The following SYT16 variants were observed in gnomAD, a reference collection of about 807,000 sequenced individuals.
The protein encoded by SYT16 is synaptotagmin-16.
A neutral mutation model predicts 61.4 loss-of-function variants in SYT16; 42 were observed. That is an observed-to-expected ratio of 0.68 (90% CI 0.53 to 0.89). The LOEUF is 0.89. Among genes scored for constraint, SYT16 ranks in the 40% least tolerant of loss-of-function variants. The probability of loss-of-function intolerance (pLI) is 0.00; values close to 1 mark genes in which losing one functional copy is unlikely to be tolerated. For synonymous variants in SYT16, 314 were observed against 302.3 expected (o/e 1.04, Z -0.40); for missense variants, 804 against 807.3 (o/e 1.00, Z 0.05).
At chr14:61,961,492 G>T (rs555299147) in intron 1 of SYT16, among the ~76,000 whole-genome samples, 1 of 152,132 alleles carries the variant, frequency 6.6e-6, no homozygotes, top group Non-Finnish European at 1.5e-5. Flanking sequence ...AGACATACAC[G>T]TGGCCAACAA....
At chr14:61,812,843 G>A (rs767431674) in intron 1 of SYT16, 33 bp downstream of exon 1, 2 of 152,236 alleles carry the variant, frequency 1.3e-5, no homozygotes, top group Admixed American at 6.5e-5. Context: ...GGCCAGGGGT[G>A]GGGGGAGGCC....
intron 3 of SYT16, among the ~76,000 whole-genome samples, chr14:62,014,412 C>A (rs984074115): frequency 6.6e-6 from 1 of 151,936 alleles, no homozygotes; most frequent in African/African-American, 2.4e-5. Context: ...ATCTGTCCAA[C>A]TCCTCCTTAT....
chr14:62,045,847 T>A (rs924318586), intron 3 of SYT16, among the ~76,000 whole-genome samples: 5 of 152,196 alleles, frequency 3.3e-5, no homozygotes, highest in Admixed American at 2.6e-4. Flanking sequence ...TAATCCAGTC[T>A]ATCATTGTTG....
At chr14:61,840,275 G>A (rs998526901) in intron 1 of SYT16, among the ~76,000 whole-genome samples, 12 of 152,178 alleles carry the variant, frequency 7.9e-5, no homozygotes, top group African/African-American at 2.7e-4. Context: ...GGCAAGGTGC[G>A]CTATTGGAAA....
At chr14:61,877,905 C>G (rs1269780662) in intron 1 of SYT16, among the ~76,000 whole-genome samples, 1 of 152,188 alleles carries the variant, frequency 6.6e-6, no homozygotes, top group African/African-American at 2.4e-5. Context: ...ACCTTAATCC[C>G]TGGGTGTTTC....
chr14:62,041,560 G>T (rs1595235466), intron 3 of SYT16, among the ~76,000 whole-genome samples: 1 of 152,116 alleles, frequency 6.6e-6, no homozygotes, highest in Non-Finnish European at 1.5e-5. Flanking sequence ...GGGCTGGAGT[G>T]CAGTGGCATG....
At chr14:61,886,501 C>T (rs1341690090) in intron 1 of SYT16, among the ~76,000 whole-genome samples, 1 of 152,214 alleles carries the variant, frequency 6.6e-6, no homozygotes, top group African/African-American at 2.4e-5. Flanking sequence ...AGCGTCTTCA[C>T]CAGGAGTAGA....
At chr14:62,055,472 G>T (rs2055509873) in intron 3 of SYT16, among the ~76,000 whole-genome samples, 1 of 152,186 alleles carries the variant, frequency 6.6e-6, no homozygotes, top group Non-Finnish European at 1.5e-5. Context: ...TCTGACTACA[G>T]ATATGAATCT....
chr14:61,952,631 T>C lies in SYT16; in HGVS notation c.-324-17501T>C, dbSNP rs185724621. ...ATTTCAACACACATATTTTATTATA[T>C]TAAAGATAGCACCCCATGTATACCC... On this transcript the variant is annotated intron_variant, in intron 1 of 7. Coordinates refer to ENST00000683842, the MANE Select transcript of SYT16 (RefSeq NM_001367656.1). Among the ~76,000 whole-genome samples, 319 of 152,324 alleles carry C rather than the reference T, an allele frequency of 2.1e-3. 2 individuals are homozygous for C. Among genetic ancestry groups the C allele is most frequent in the Non-Finnish European group, 3.2e-3 (221 of 68,034 alleles).
At chr14:61,913,287 A>T (rs569821712) in intron 1 of SYT16, among the ~76,000 whole-genome samples, 105 of 152,238 alleles carry the variant, frequency 6.9e-4, no homozygotes, top group Non-Finnish European at 1.3e-3. Context: ...GCTGCACCCG[A>T]TATTTGTGGA....
At chr14:62,039,765 C>T (rs2054642965) in intron 3 of SYT16, among the ~76,000 whole-genome samples, 1 of 151,410 alleles carries the variant, frequency 6.6e-6, no homozygotes, top group African/African-American at 2.4e-5. Flanking sequence ...AATACTTTTG[C>T]ACTTCACCAC....
Position 61,995,047 on chromosome 14 carries a change from TATATACACACATA to T in SYT16, c.-144-815_-144-803del, listed in dbSNP as rs1188406961. On this transcript the variant is annotated intron_variant, in intron 2 of 7. Transcript: ENST00000683842. The stretch of plus-strand genomic sequence containing the variant: ...GATGAACACTGTAATAGCAATAAGA[TATATACACACATA>T]ATATACACACATATGTGTATGTATA... 3.0e-3 allele frequency among the ~76,000 whole-genome samples: 452 copies of T among 152,298 alleles called. 4 individuals are homozygous for T. Among genetic ancestry groups the T allele is most frequent in the African/African-American group, 9.9e-3 (410 of 41,566 alleles).
intron 1 of SYT16, among the ~76,000 whole-genome samples, chr14:61,899,234 T>G (rs139161115): frequency 7.2e-3 from 335 of 46,576 alleles, no homozygotes; most frequent in Middle Eastern, 0.043. Flanking sequence ...TAGGGCAGGA[T>G]TTCAGTCCAG....
chr14:62,022,371 T>C (rs1010151082), intron 3 of SYT16, among the ~76,000 whole-genome samples: 4 of 152,186 alleles, frequency 2.6e-5, no homozygotes, highest in African/African-American at 9.6e-5. Flanking sequence ...TTTGAAATTT[T>C]TTGTTGAATA....
chr14:61,967,248 G>A (rs961677825), intron 1 of SYT16, among the ~76,000 whole-genome samples: 25 of 152,158 alleles, frequency 1.6e-4, no homozygotes, highest in Non-Finnish European at 4.4e-5. Flanking sequence ...AATGATGAGC[G>A]ATAAAGACTG....
chr14:61,875,649 T>C (rs369255053), intron 1 of SYT16, among the ~76,000 whole-genome samples: 12 of 152,004 alleles, frequency 7.9e-5, no homozygotes, highest in South Asian at 2.1e-4. Flanking sequence ...AGGGACAGAG[T>C]CCAAGTCAGC....
rs2057473277 is a variant in SYT16 at position 62,104,210 on chromosome 14, A to G, written c.*3503A>G. ...AAAACTGGTTATCCTTTTGCAGCAG[A>G]GGACTTAGTATTTTAAAAACAGAAA... On this transcript the variant is annotated 3_prime_UTR_variant, in exon 8 of 8. Coordinates refer to ENST00000683842, the MANE Select transcript of SYT16 (RefSeq NM_001367656.1). 1 of 152,230 alleles carries G rather than the reference A, an allele frequency of 6.6e-6. No homozygotes were observed. Among genetic ancestry groups the G allele is most frequent in the African/African-American group, 2.4e-5 (1 of 41,466 alleles). 9.4% of individuals were successfully genotyped at this position (152,230 alleles called of 1,614,324 possible).
intron 3 of SYT16, among the ~76,000 whole-genome samples, chr14:62,050,491 C>G (rs980964711): frequency 2.0e-5 from 3 of 152,202 alleles, no homozygotes; most frequent in Non-Finnish European, 2.9e-5. Context: ...TATTCTCCGT[C>G]CAGCTTTGTT....
chr14:62,100,453 A>G lies in SYT16; in HGVS notation c.1684A>G (p.Thr562Ala). 1.9e-6 allele frequency: 3 copies of G among 1,613,392 alleles called. No homozygotes were observed. Among genetic ancestry groups the G allele is most frequent in the Non-Finnish European group, 2.5e-6 (3 of 1,179,674 alleles). ...GGGTCAAGAGATGTCCCGTTGCAAG[A>G]CGTCCATTCGGCGTGGTCAGCCCAA... is the stretch of plus-strand genomic sequence containing the variant. The part of the protein sequence containing the change: ...SVGQEMSRCK[T>A]SIRRGQPNPV... Residue 562 changes from threonine to alanine, a missense_variant, in exon 8 of 8, where the codon ACG becomes GCG. Thr to Ala is a moderately conservative substitution (Grantham distance 58). Coordinates refer to ENST00000683842, the MANE Select transcript of SYT16 (RefSeq NM_001367656.1).
Sources: allele counts gnomAD v4.1 joint callset (sites outside exome capture counted in the v4.1 genomes callset), GRCh38; gene constraint gnomAD v4.1.1; transcripts MANE v1.5; gene names NCBI Gene and HGNC (gene_info 2026-07-23, HGNC 2026-07-21).